The following ADAM10 variants were observed in gnomAD, a reference collection of about 807,000 sequenced individuals.
ADAM10 encodes the protein ADAM metallopeptidase domain 10.
ADAM10 carries 17 observed loss-of-function variants against 90.1 expected under a neutral mutation model. The observed-to-expected ratio is 0.19, with a 90% CI of 0.13 to 0.28. The LOEUF is 0.28. ADAM10 is among the 10% of genes least tolerant of loss of function. The pLI is 1.00. For missense variants in ADAM10, 610 were observed against 914.3 expected (o/e 0.67, Z 4.29); for synonymous variants, 310 against 298.6 (o/e 1.04, Z -0.40).
At chr15:58,681,148 G>C (rs28724298) in intron 3 of ADAM10, among the ~76,000 whole-genome samples, 1 of 151,880 alleles carries the variant, frequency 6.6e-6, no homozygotes, top group Non-Finnish European at 1.5e-5. Context: ...TCTCATTTAC[G>C]GCCTCGGACT....
intron 11 of ADAM10, among the ~76,000 whole-genome samples, chr15:58,612,645 G>A (rs967992576): frequency 2.0e-4 from 30 of 151,964 alleles, no homozygotes; most frequent in African/African-American, 5.8e-4. Context: ...CTCCATCCCC[G>A]GTGACCCAAC....
intron 11 of ADAM10, among the ~76,000 whole-genome samples, chr15:58,619,690 G>A (rs1326469285): frequency 6.6e-6 from 1 of 151,930 alleles, no homozygotes; most frequent in Non-Finnish European, 1.5e-5. Context: ...GGATCAGGAG[G>A]TCAGGAGATC....
At chr15:58,731,550 C>A (rs1486759134) in intron 1 of ADAM10, among the ~76,000 whole-genome samples, 2 of 152,108 alleles carry the variant, frequency 1.3e-5, no homozygotes, top group Non-Finnish European at 2.9e-5. Context: ...ATCACCTGAG[C>A]CCACGAAGTC....
At chr15:58,695,772 G>A (rs1897960820) in intron 2 of ADAM10, among the ~76,000 whole-genome samples, 1 of 152,134 alleles carries the variant, frequency 6.6e-6, no homozygotes, top group Admixed American at 6.5e-5. Flanking sequence ...TTTGAGGTCA[G>A]GAGTTCAAGA....
chr15:58,620,053 T>C (rs141062203), intron 11 of ADAM10, among the ~76,000 whole-genome samples: 1,600 of 152,204 alleles, frequency 0.011, 14 homozygotes, highest in Non-Finnish European at 0.018. Flanking sequence ...GGAAAATGGA[T>C]TTAATATTAG....
chr15:58,610,348 T>C lies in ADAM10; in HGVS notation c.1974A>G (p.Lys658=). 1 of 1,614,212 alleles carries C rather than the reference T, an allele frequency of 6.2e-7. No individual in the cohort carries two copies. Among genetic ancestry groups the C allele is most frequent in the African/African-American group, 1.3e-5 (1 of 75,058 alleles). ...AGAGCTCTGGACTAAAAATTGCTTT[T>C]TTAAGCCTAGCTAGAGGACCATCAG... The part of the protein sequence containing the change: ...VDADGPLARL[K]KAIFSPELYE... The change falls in exon 14 of 16, where the codon AAA becomes AAG. Residue 658 remains lysine (K), a synonymous_variant. Transcript: ENST00000260408.
At chr15:58,704,945 C>T (rs527679507) in intron 2 of ADAM10, among the ~76,000 whole-genome samples, 17 of 152,292 alleles carry the variant, frequency 1.1e-4, no homozygotes, top group African/African-American at 3.8e-4. Flanking sequence ...CAAGCTAACA[C>T]ATGCGGAGTG....
chr15:58,701,252 AT>A lies in ADAM10; in HGVS notation c.206+16324del, dbSNP rs200996399. Among the ~76,000 whole-genome samples, 539 of 152,278 alleles carry A rather than the reference AT, an allele frequency of 3.5e-3. 5 individuals carry two copies. The highest frequency in any genetic ancestry group is 0.012 in the African/African-American group (518 of 41,554). On this transcript the variant is annotated intron_variant, in intron 2 of 15. Transcript: ENST00000260408. ...AAGGAACTCAATAGTTTAAAAAAAAATCCCATTAAAAAGTGGGCAAAGGACA... is the reference window on the plus strand; with the variant it reads ...AAGGAACTCAATAGTTTAAAAAAAAACCCATTAAAAAGTGGGCAAAGGACA...
intron 2 of ADAM10, among the ~76,000 whole-genome samples, chr15:58,708,232 C>G (rs17301954): frequency 0.14 from 21,125 of 152,092 alleles, 1,752 homozygotes; most frequent in South Asian, 0.32. Flanking sequence ...GTGGACTTGA[C>G]CAAGAGCACA....
rs1452039056 is a variant in ADAM10 at position 58,594,976 on chromosome 15, C to A, written c.*2571G>T. The A allele has an allele frequency of 6.6e-6, 1 of 152,108 alleles. No homozygotes were observed. Among genetic ancestry groups the A allele is most frequent in the African/African-American group, 2.4e-5 (1 of 41,430 alleles). The allele number at this position is 152,108 out of a possible 1,614,324, so 9.4% of individuals were successfully genotyped here. ...CTTACAATTCCTTTTCTAGGTAACA[C>A]TGAAATGTCAATTCTCTCCTTATTT... is the stretch of plus-strand genomic sequence containing the variant. On this transcript the variant is annotated 3_prime_UTR_variant, in exon 16 of 16. Coordinates refer to ENST00000260408, the MANE Select transcript of ADAM10 (RefSeq NM_001110.4).
Position 58,621,509 on chromosome 15 carries a change from C to G in ADAM10, c.1473G>C (p.Glu491Asp). 1 of 1,614,044 alleles carries G rather than the reference C, an allele frequency of 6.2e-7. No homozygotes were observed. Reference sequence around the variant, plus strand: ...CAGGTTTCAGTTTGCATTTTCTTCCCTCTGGTTGATTTGCATCGAAGCAGC... The same window carrying G: ...CAGGTTTCAGTTTGCATTTTCTTCCGTCTGGTTGATTTGCATCGAAGCAGC... ...DECCFDANQP[E>D]GRKCKLKPGK... The change falls in exon 11 of 16, where the codon GAG (glutamate) becomes GAC (aspartate). Residue 491 changes from glutamate (E) to aspartate (D), a missense_variant. Glu to Asp is a conservative substitution (Grantham distance 45, BLOSUM62 2). Coordinates refer to ENST00000260408, the MANE Select transcript of ADAM10 (RefSeq NM_001110.4).
Position 58,717,647 on chromosome 15 carries a change from GT to G in ADAM10, c.135del (p.Lys45AsnfsTer18). ...GAGACTGCTCTTTTGGCACGCTGGT[GT>G]TTTTGGTGTAATGAATCCACATTGT... is the stretch of plus-strand genomic sequence containing the variant. ...LSYNVDSLHQ[K>X]HQRAKRAVSH... On this transcript the variant is annotated frameshift_variant, in exon 2 of 16. Transcript: ENST00000260408. LOFTEE classifies it high-confidence loss of function. 6.2e-7 allele frequency: 1 copy of G among 1,613,680 alleles called. No homozygotes were observed. The highest frequency in any genetic ancestry group is 8.5e-7 in the Non-Finnish European group (1 of 1,179,914).
At chr15:58,748,997 G>C (rs374511980) in intron 1 of ADAM10, 44 of 399,342 alleles carry the variant, frequency 1.1e-4, no homozygotes, top group South Asian at 5.1e-4. Context: ...GGCGGGTCTC[G>C]GCGGCGGAGA....
chr15:58,740,177 C>T (rs1338418354), intron 1 of ADAM10, among the ~76,000 whole-genome samples: 25 of 152,062 alleles, frequency 1.6e-4, no homozygotes, highest in Non-Finnish European at 1.6e-4. Flanking sequence ...CTTTGGGAGG[C>T]TGAAGGAGGA....
intron 1 of ADAM10, among the ~76,000 whole-genome samples, chr15:58,746,788 AGAT>A (rs1199816536): frequency 4.6e-5 from 7 of 152,224 alleles, no homozygotes; most frequent in Admixed American, 1.3e-4. Flanking sequence ...TTTTTAAAAA[AGAT>A]GATGGAGTTA....
intron 4 of ADAM10, among the ~76,000 whole-genome samples, chr15:58,675,458 C>A (rs1484397977): frequency 6.6e-6 from 1 of 152,134 alleles, no homozygotes; most frequent in Non-Finnish European, 1.5e-5. Flanking sequence ...AAAACCTGTT[C>A]ATGTTAATAA....
intron 1 of ADAM10, among the ~76,000 whole-genome samples, chr15:58,741,261 T>C (rs780964293): frequency 2.6e-5 from 4 of 152,212 alleles, no homozygotes; most frequent in Non-Finnish European, 4.4e-5. Flanking sequence ...CAGAAGTTCA[T>C]AGTTCACATG....
chr15:58,629,963 G>A lies in ADAM10; in HGVS notation c.1177-2080C>T, dbSNP rs928795492. Among the ~76,000 whole-genome samples the A allele has an allele frequency of 3.3e-5, 5 of 152,058 alleles. No individual in the cohort carries two copies. The East Asian group carries it at 5.8e-4, about 18-fold the overall frequency. ...TTTTGTGTGTATTTTTGGTAGAGACGGGGTTTCGCCATGTTGCCCAGGCTG... is the reference window on the plus strand; with the variant it reads ...TTTTGTGTGTATTTTTGGTAGAGACAGGGTTTCGCCATGTTGCCCAGGCTG... On this transcript the variant is annotated intron_variant, in intron 9 of 15. Transcript: ENST00000260408.
At chr15:58,604,024 T>C (rs1353210286) in intron 14 of ADAM10, among the ~76,000 whole-genome samples, 1 of 152,146 alleles carries the variant, frequency 6.6e-6, no homozygotes, top group Non-Finnish European at 1.5e-5. Flanking sequence ...ACATGCTCTG[T>C]CCCCATAAAA....
Sources: gnomAD v4.1 joint callset for allele counts (sites outside exome capture counted in the v4.1 genomes callset) on GRCh38, gnomAD v4.1.1 for gene constraint, MANE v1.5 for transcripts, NCBI Gene and HGNC (gene_info 2026-07-23, HGNC 2026-07-21) for gene names.